NFU1: variants seen among roughly 807,000 people sequenced by gnomAD.
NFU1 encodes the protein NFU1 iron-sulfur cluster scaffold, also known as NFU1 iron-sulfur cluster scaffold homolog, mitochondrial.
NFU1 carries 30 observed loss-of-function variants against 32.2 expected under a neutral mutation model. That is an observed-to-expected ratio of 0.93 (90% CI 0.70 to 1.26). The LOEUF is 1.26. NFU1 is among the 50% of genes most tolerant of loss of function. The probability of loss-of-function intolerance (pLI) is 0.00; values close to 1 mark genes in which losing one functional copy is unlikely to be tolerated. For synonymous variants in NFU1, 112 were observed against 104.6 expected, an observed-to-expected ratio of 1.07 and a Z score of -0.43; for missense variants, 306 against 306.6, an observed-to-expected ratio of 1.00 and a Z score of 0.02.
At chr2:69,400,704 A>AT (rs1208383300) in intron 6 of NFU1, among the ~76,000 whole-genome samples, 166 bp from the exon 7 acceptor site, 16 of 122,492 alleles carry the variant, frequency 1.3e-4, no homozygotes, top group Admixed American at 4.1e-4. Flanking sequence ...TTTAGAATTA[A>AT]ATTTTTTTTT....
intron 4 of NFU1, among the ~76,000 whole-genome samples, chr2:69,416,533 T>C (rs1673061468): frequency 6.6e-6 from 1 of 151,842 alleles, no homozygotes; most frequent in South Asian, 2.1e-4. Context: ...AGGATGTAAT[T>C]GCTTGATCAA....
At chr2:69,432,475 G>A (rs567144437) in intron 1 of NFU1, among the ~76,000 whole-genome samples, 1 of 152,230 alleles carries the variant, frequency 6.6e-6, no homozygotes, top group East Asian at 1.9e-4. Context: ...TCAGGAGGCT[G>A]AGGCAGGAGA....
At position 69,400,282 on chromosome 2, in the gene NFU1, T is replaced by G. The variant is rs960046413; in HGVS notation, c.720+82A>C. ...TGAACTTCTTTTCAAATACTTGCCTTAACATCTATTTCCAGCCTTTGTATC... is the reference window on the plus strand; with the variant it reads ...TGAACTTCTTTTCAAATACTTGCCTGAACATCTATTTCCAGCCTTTGTATC... On this transcript the variant is annotated intron_variant, in intron 7 of 7. Coordinates refer to ENST00000410022, the MANE Select transcript of NFU1 (RefSeq NM_001002755.4). 3.0e-5 allele frequency: 38 copies of G among 1,268,862 alleles called. No homozygotes were observed. The South Asian group carries it at 4.5e-4, about 15-fold the overall frequency. 78.6% of individuals were successfully genotyped at this position (1,268,862 alleles called of 1,614,324 possible). A position where few individuals can be genotyped will look rare whatever the true frequency, so the allele number is the denominator to read the frequency against.
chr2:69,418,050 A>G (rs930089925), intron 4 of NFU1, among the ~76,000 whole-genome samples: 1 of 152,208 alleles, frequency 6.6e-6, no homozygotes, highest in Non-Finnish European at 1.5e-5. Flanking sequence ...GACATTGAAT[A>G]TATTAAATAA....
intron 1 of NFU1, among the ~76,000 whole-genome samples, chr2:69,436,323 A>G (rs1331804959): frequency 1.3e-5 from 2 of 152,228 alleles, no homozygotes; most frequent in African/African-American, 4.8e-5. Context: ...TTGGTGCCCA[A>G]TAATTACTAA....
intron 3 of NFU1, 38 bp downstream of exon 3, chr2:69,423,542 TTA>T (rs1157390563): frequency 6.3e-7 from 1 of 1,592,116 alleles, no homozygotes; most frequent in Non-Finnish European, 8.6e-7. Context: ...AGTTAGTTAT[TTA>T]TGTTTCTTGG....
chr2:69,425,457 T>C (rs1028534563), intron 2 of NFU1, among the ~76,000 whole-genome samples: 5 of 150,838 alleles, frequency 3.3e-5, no homozygotes, highest in East Asian at 2.0e-4. Flanking sequence ...TAAGTTCAAG[T>C]GATTCTCCTG....
chr2:69,398,630 A>G (rs1403681613), intron 7 of NFU1, among the ~76,000 whole-genome samples: 2 of 152,226 alleles, frequency 1.3e-5, no homozygotes, highest in African/African-American at 4.8e-5. Context: ...TCCTACACAT[A>G]TCTTCTGAAG....
At chr2:69,435,289 T>C (rs537885664) in intron 1 of NFU1, among the ~76,000 whole-genome samples, 1 of 152,350 alleles carries the variant, frequency 6.6e-6, no homozygotes, top group Non-Finnish European at 1.5e-5. Flanking sequence ...GATGGTCAGT[T>C]AGAACGGTCT....
chr2:69,405,100 AG>A (rs1370721390), intron 6 of NFU1, among the ~76,000 whole-genome samples: 1 of 151,932 alleles, frequency 6.6e-6, no homozygotes, highest in East Asian at 1.9e-4. Flanking sequence ...TACAAAAATT[AG>A]CTGGGTGTGG....
At chr2:69,407,903 C>T (rs937656729) in intron 5 of NFU1, among the ~76,000 whole-genome samples, 7 of 150,718 alleles carry the variant, frequency 4.6e-5, no homozygotes, top group African/African-American at 1.7e-4. Context: ...ATCTCAGTTA[C>T]TTGGGAGGCT....
intron 5 of NFU1, among the ~76,000 whole-genome samples, chr2:69,409,207 G>A (rs1001873140): frequency 6.6e-6 from 1 of 151,934 alleles, no homozygotes. Flanking sequence ...TTTACATATG[G>A]ATCCATAAAG....
chr2:69,432,153 A>C, intron 1 of NFU1, 148 bp from the exon 2 acceptor site: 2 of 647,412 alleles, frequency 3.1e-6, no homozygotes, highest in South Asian at 3.6e-5. Context: ...TTCATCTTCC[A>C]TCTACATTAT....
chr2:69,399,549 T>C (rs923803022), intron 7 of NFU1, among the ~76,000 whole-genome samples: 1 of 149,242 alleles, frequency 6.7e-6, no homozygotes, highest in African/African-American at 2.5e-5. Flanking sequence ...CCCAGCATTT[T>C]GGGAGGATCA....
At position 69,397,914 on chromosome 2, in the gene NFU1, CAAAA is replaced by C. The variant is rs56659765; in HGVS notation, c.721-1628_721-1625del. Among the ~76,000 whole-genome samples, 15 of 107,308 alleles carry C rather than the reference CAAAA, an allele frequency of 1.4e-4. No individual in the cohort carries two copies. In the East Asian group the frequency reaches 3.3e-3, roughly 24 times the overall value. 70.4% of individuals were successfully genotyped at this position (107,308 alleles called of 152,430 possible). On this transcript the variant is annotated intron_variant, in intron 7 of 7. Transcript: ENST00000410022. ...GGGCAACAAGAGTGAAACTACGTCT[CAAAA>C]AAAAAAAAAAAAAAAATCCAGATTC...
At chr2:69,430,897 T>C (rs1673617349) in intron 2 of NFU1, among the ~76,000 whole-genome samples, 1 of 152,120 alleles carries the variant, frequency 6.6e-6, no homozygotes, top group African/African-American at 2.4e-5. Flanking sequence ...AAGCTAGCAA[T>C]GGAAAGGAGA....
Position 69,404,615 on chromosome 2 carries a change from A to ATTTTTTTTTTTTTTTTTTTTTTTTTTTTT in NFU1, c.545+1406_545+1407insAAAAAAAAAAAAAAAAAAAAAAAAAAAAA, listed in dbSNP as rs534309730. 4.8e-4 allele frequency among the ~76,000 whole-genome samples: 35 copies of ATTTTTTTTTTTTTTTTTTTTTTTTTTTTT among 73,008 alleles called. 8 individuals are homozygous for ATTTTTTTTTTTTTTTTTTTTTTTTTTTTT. Among genetic ancestry groups the ATTTTTTTTTTTTTTTTTTTTTTTTTTTTT allele is most frequent in the African/African-American group, 1.2e-3 (19 of 15,930 alleles). 47.9% of individuals were successfully genotyped at this position (73,008 alleles called of 152,430 possible). A position where few individuals can be genotyped will look rare whatever the true frequency, so the allele number is the denominator to read the frequency against. On this transcript the variant is annotated intron_variant, in intron 6 of 7. Transcript: ENST00000410022. ...CACTTAATAACTACTATCTTAGCAAATTTTTTTTTTTTTTTTTTTTTTTGA... is the reference window on the plus strand; with the variant it reads ...CACTTAATAACTACTATCTTAGCAAATTTTTTTTTTTTTTTTTTTTTTTTTTTTTTTTTTTTTTTTTTTTTTTTTTTTGA...
At chr2:69,409,674 A>G (rs1291590244) in intron 5 of NFU1, among the ~76,000 whole-genome samples, 1 of 152,198 alleles carries the variant, frequency 6.6e-6, no homozygotes, top group East Asian at 1.9e-4. Flanking sequence ...GCCCATGCAG[A>G]GATCACATGG....
intron 6 of NFU1, among the ~76,000 whole-genome samples, chr2:69,404,083 C>A (rs1443537118): frequency 6.6e-6 from 1 of 151,360 alleles, no homozygotes; most frequent in African/African-American, 2.4e-5. Flanking sequence ...CATGATCCAC[C>A]CACCTCGGCC....
Sources: gnomAD v4.1 joint callset for allele counts (sites outside exome capture counted in the v4.1 genomes callset) on GRCh38, gnomAD v4.1.1 for gene constraint, MANE v1.5 for transcripts, NCBI Gene and HGNC (gene_info 2026-07-23, HGNC 2026-07-21) for gene names.